Variants in ACVR1 observed in about 807,000 individuals in gnomAD.
ACVR1 encodes the protein activin receptor type-1.
Under a neutral mutation model 57.1 loss-of-function variants are expected in ACVR1, and 38 were observed. The observed-to-expected ratio is 0.67, with a 90% CI of 0.51 to 0.87. ACVR1 has a LOEUF of 0.87. Among genes scored for constraint, ACVR1 ranks in the 40% least tolerant of loss-of-function variants. ACVR1 has a pLI of 0.00. For synonymous variants in ACVR1, 212 were observed against 228.1 expected (o/e 0.93, Z 0.63); for missense variants, 463 against 638.2 (o/e 0.73, Z 2.96).
intron 1 of ACVR1, among the ~76,000 whole-genome samples, chr2:157,874,190 G>A (rs996039005): frequency 7.2e-5 from 11 of 152,176 alleles, no homozygotes; most frequent in Admixed American, 3.3e-4. Flanking sequence ...TGCATAAGGG[G>A]TAATAGCAGA....
At chr2:157,817,077 A>G in intron 2 of ACVR1, among the ~76,000 whole-genome samples, 1 of 152,018 alleles carries the variant, frequency 6.6e-6, no homozygotes, top group Non-Finnish European at 1.5e-5. Context: ...CATGTGCCTC[A>G]GCCTCTCAAG....
intron 9 of ACVR1, among the ~76,000 whole-genome samples, chr2:157,754,447 T>C (rs1238179579): frequency 6.6e-6 from 1 of 151,928 alleles, no homozygotes; most frequent in Non-Finnish European, 1.5e-5. Context: ...ACCACAGAAA[T>C]ACAAAAGATC....
In ACVR1 at chr2:157,802,108, G is replaced by A. The variant is rs561175142; in HGVS notation, c.-7-2608C>T. 3.3e-5 allele frequency among the ~76,000 whole-genome samples: 5 copies of A among 152,286 alleles called. No homozygotes were observed. In the East Asian group the frequency reaches 9.6e-4, roughly 29 times the overall value. On this transcript the variant is annotated intron_variant, in intron 2 of 10. Transcript: ENST00000434821. Reference sequence around the variant, plus strand: ...ACAAAACAACTTGAGACTTTCTGGAGGGTGCAGAGGTTCCCTGGGGAGGTA... The same window carrying A: ...ACAAAACAACTTGAGACTTTCTGGAAGGTGCAGAGGTTCCCTGGGGAGGTA...
At chr2:157,764,547 T>C (rs1283057741) in intron 8 of ACVR1, among the ~76,000 whole-genome samples, 2 of 151,956 alleles carry the variant, frequency 1.3e-5, no homozygotes, top group South Asian at 2.1e-4. Flanking sequence ...AACGCAGAAG[T>C]ACAGGGCACA....
rs189430760 is a variant in ACVR1, at chr2:157,776,123, T to A, written c.544-1936A>T. Reference sequence around the variant, plus strand: ...TTAAATAAGCAAGTATGTAGACCAATAATGACAACTTGTTTTAAATAGTGT... The same window carrying A: ...TTAAATAAGCAAGTATGTAGACCAAAAATGACAACTTGTTTTAAATAGTGT... On this transcript the variant is annotated intron_variant, in intron 5 of 10. Transcript: ENST00000434821. Among the ~76,000 whole-genome samples the A allele has an allele frequency of 2.6e-5, 4 of 152,338 alleles. No homozygotes were observed. In the East Asian group the frequency reaches 7.7e-4, roughly 29 times the overall value.
At chr2:157,755,732 A>G (rs113358288) in intron 9 of ACVR1, among the ~76,000 whole-genome samples, 102 of 152,176 alleles carry the variant, frequency 6.7e-4, no homozygotes, top group Non-Finnish European at 1.1e-3. Flanking sequence ...GAAAGTAACC[A>G]TAATGCCAAA....
At chr2:157,861,410 T>C (rs916859338) in intron 1 of ACVR1, among the ~76,000 whole-genome samples, 2 of 152,204 alleles carry the variant, frequency 1.3e-5, no homozygotes, top group Non-Finnish European at 2.9e-5. Context: ...TTCGGAGTTG[T>C]GTGGTTGGGG....
chr2:157,832,943 T>C (rs1688639476), intron 1 of ACVR1, among the ~76,000 whole-genome samples: 1 of 152,154 alleles, frequency 6.6e-6, no homozygotes, highest in Non-Finnish European at 1.5e-5. Context: ...TTCCCAGAAT[T>C]TGGGCCAGAA....
chr2:157,867,518 A>T (rs919663987), intron 1 of ACVR1, among the ~76,000 whole-genome samples: 6 of 152,204 alleles, frequency 3.9e-5, no homozygotes, highest in African/African-American at 1.2e-4. Context: ...GCCACAGCAC[A>T]CACATCTCCC....
intron 7 of ACVR1, among the ~76,000 whole-genome samples, chr2:157,769,009 C>T (rs540113910): frequency 2.7e-4 from 41 of 152,196 alleles, no homozygotes; most frequent in African/African-American, 7.7e-4. Context: ...GGTACAAAGT[C>T]GGGGAATGCA....
rs781127308 is a variant in ACVR1 at position 157,778,201 on chromosome 2, T to C, written c.473A>G (p.Asn158Ser). The part of the protein sequence containing the change: ...KFKRRNQERL[N>S]PRDVEYGTIE... The stretch of plus-strand genomic sequence containing the variant: ...AGTGCCATACTCCACGTCTCGGGGA[T>C]TGAGGCGTTCTTGGTTGCGCCTTTT... Residue 158 changes from asparagine to serine, a missense_variant, in exon 5 of 11, where the codon AAT becomes AGT. This residue lies in a region of ACVR1 where 203 missense variants were observed against 235.5 expected (regional missense o/e 0.86). Transcript: ENST00000434821. 6.8e-6 allele frequency: 11 copies of C among 1,614,100 alleles called. No individual in the cohort carries two copies. Among genetic ancestry groups the C allele is most frequent in the East Asian group, 2.2e-5 (1 of 44,878 alleles).
chr2:157,758,525 A>G (rs1685517845), intron 9 of ACVR1, among the ~76,000 whole-genome samples: 1 of 152,000 alleles, frequency 6.6e-6, no homozygotes, highest in Admixed American at 6.6e-5. Context: ...ATATATATGC[A>G]CCCAACACTG....
At chr2:157,862,997 C>T (rs1466630886) in intron 1 of ACVR1, among the ~76,000 whole-genome samples, 1 of 146,278 alleles carries the variant, frequency 6.8e-6, no homozygotes, top group East Asian at 2.0e-4. Context: ...CTAACCGCTG[C>T]TGTAGAACAT....
chr2:157,758,310 T>C lies in ACVR1; in HGVS notation c.1264+2570A>G, dbSNP rs139058662. Among the ~76,000 whole-genome samples, 139 of 152,122 alleles carry C rather than the reference T, an allele frequency of 9.1e-4. 1 individual carries two copies. The highest frequency in any genetic ancestry group is 2.1e-3 in the Admixed American group (32 of 15,274). On this transcript the variant is annotated intron_variant, in intron 9 of 10. Transcript: ENST00000434821. ...AGACCCCAGTCTAAACCAAAATACA[T>C]AGATACTCAATACCACAGTTCGTCC...
At chr2:157,803,890 A>G (rs763090811) in intron 2 of ACVR1, among the ~76,000 whole-genome samples, 11 of 151,282 alleles carry the variant, frequency 7.3e-5, no homozygotes, top group Admixed American at 5.9e-4. Flanking sequence ...ATAATAAAAT[A>G]ACAATAACAT....
rs756812536 is a variant in ACVR1 at position 157,758,600 on chromosome 2, C to T, written c.1264+2280G>A. The stretch of plus-strand genomic sequence containing the variant: ...AGACAAATAGACTCCAACACAATAA[C>T]AGTTGGGGACTTCAACATCCTACTC... On this transcript the variant is annotated intron_variant, in intron 9 of 10. Coordinates refer to ENST00000434821, the MANE Select transcript of ACVR1 (RefSeq NM_001111067.4). 6.5e-4 allele frequency among the ~76,000 whole-genome samples: 99 copies of T among 152,010 alleles called. 1 individual carries two copies. The highest frequency in any genetic ancestry group is 1.4e-3 in the Non-Finnish European group (94 of 67,906).
chr2:157,845,271 G>C (rs1456213313), intron 1 of ACVR1, among the ~76,000 whole-genome samples: 1 of 152,134 alleles, frequency 6.6e-6, no homozygotes, highest in Non-Finnish European at 1.5e-5. Context: ...GACCTTATTT[G>C]GGAAAAGGGT....
intron 4 of ACVR1, among the ~76,000 whole-genome samples, chr2:157,779,853 A>T (rs1686436293): frequency 6.6e-6 from 1 of 152,190 alleles, no homozygotes; most frequent in Non-Finnish European, 1.5e-5. Context: ...GTCACTGGGC[A>T]TCAGATATGG....
Position 157,737,549 on chromosome 2 carries a change from T to C in ACVR1, c.1512A>G (p.Lys504=). The C allele has an allele frequency of 3.7e-6, 6 of 1,614,058 alleles. No individual in the cohort carries two copies. Among genetic ancestry groups the C allele is most frequent in the Non-Finnish European group, 5.1e-6 (6 of 1,179,972 alleles). ...GAAAATGTCAACAGTCAGTTTTCAA[T>C]TTGTCGAGGGAATTATCAATTTTGG... ...TLTKIDNSLD[K]LKTDC Residue 504 remains lysine (K), a synonymous_variant, in exon 11 of 11, where the codon AAA becomes AAG. Coordinates refer to ENST00000434821, the MANE Select transcript of ACVR1 (RefSeq NM_001111067.4).
Sources: gnomAD v4.1 joint callset for allele counts (sites outside exome capture counted in the v4.1 genomes callset) on GRCh38, gnomAD v4.1.1 for gene constraint, gnomAD v4.1.1 regional missense constraint, MANE v1.5 for transcripts, NCBI Gene and HGNC (gene_info 2026-07-23, HGNC 2026-07-21) for gene names.